Variants in KMT2E observed in about 807,000 individuals in gnomAD.
KMT2E encodes lysine methyltransferase 2E (inactive).
KMT2E carries 30 observed loss-of-function variants against 184.6 expected under a neutral mutation model. That is an observed-to-expected ratio of 0.16 (90% CI 0.12 to 0.22). KMT2E has a LOEUF of 0.22. Ranked by LOEUF, KMT2E falls within the 10% of genes least tolerant of loss-of-function variation. The probability of loss-of-function intolerance (pLI) is 1.00; values close to 1 mark genes in which losing one functional copy is unlikely to be tolerated. For synonymous variants in KMT2E, 815 were observed against 776.5 expected (o/e 1.05, Z -0.82); for missense variants, 2,023 against 2,237.4 (o/e 0.90, Z 1.93).
rs191484141 is a variant in KMT2E at position 105,081,599 on chromosome 7, T to C, written c.1249-89T>C. 67 of 726,686 alleles carry C rather than the reference T, an allele frequency of 9.2e-5. No individual in the cohort carries two copies. In the African/African-American group the frequency reaches 1.0e-3, roughly 11 times the overall value. 45.0% of individuals were successfully genotyped at this position (726,686 alleles called of 1,614,324 possible). On this transcript the variant is annotated intron_variant, in intron 12 of 26. Transcript: ENST00000311117. The stretch of plus-strand genomic sequence containing the variant: ...TTTCCAGGTTGTGTTTGTGAAATAA[T>C]TTGAAAAGAATAATTTTCAAAATTG...
At chr7:105,028,225 G>C (rs998247947) in intron 1 of KMT2E, among the ~76,000 whole-genome samples, 1 of 151,370 alleles carries the variant, frequency 6.6e-6, no homozygotes, top group Non-Finnish European at 1.5e-5. Flanking sequence ...CTGGAGTGCA[G>C]TGGTGTGATC....
intron 1 of KMT2E, among the ~76,000 whole-genome samples, chr7:105,020,583 C>T (rs1794909636): frequency 6.6e-6 from 1 of 152,036 alleles, no homozygotes; most frequent in South Asian, 2.1e-4. Flanking sequence ...AACTGCATCT[C>T]TAAAAAAATA....
Position 105,078,979 on chromosome 7 carries a change from T to A in KMT2E, c.1248+16T>A, listed in dbSNP as rs1298569390. 6.8e-7 allele frequency: 1 copy of A among 1,463,372 alleles called. No individual in the cohort carries two copies. Among genetic ancestry groups the A allele is most frequent in the Non-Finnish European group, 9.6e-7 (1 of 1,044,078 alleles). 90.6% of individuals were successfully genotyped at this position (1,463,372 alleles called of 1,614,324 possible). The stretch of plus-strand genomic sequence containing the variant: ...CAATGCAGAGGTAAGCTTATAGAAA[T>A]TTTTTGGGGAGATGTGGGTGCTGGG... On this transcript the variant is annotated intron_variant, in intron 12 of 26. Coordinates refer to ENST00000311117, the MANE Select transcript of KMT2E (RefSeq NM_182931.3).
In KMT2E at chr7:105,114,159, T is replaced by C. The variant is rs1799487172; in HGVS notation, c.*826T>C. ...AGAAGTTCTAGTTTTCAAATATAGA[T>C]TGTAAGGAGCCTTCAATTTTCTTTA... is the stretch of plus-strand genomic sequence containing the variant. On this transcript the variant is annotated 3_prime_UTR_variant, in exon 27 of 27. Coordinates refer to ENST00000311117, the MANE Select transcript of KMT2E (RefSeq NM_182931.3). 6.6e-6 allele frequency: 1 copy of C among 152,302 alleles called. No homozygotes were observed. Among genetic ancestry groups the C allele is most frequent in the South Asian group, 2.1e-4 (1 of 4,832 alleles). The allele number at this position is 152,302 out of a possible 1,614,324, so 9.4% of individuals were successfully genotyped here.
Position 105,077,352 on chromosome 7 carries a change from C to A in KMT2E, c.1049C>A (p.Pro350His). Residue 350 changes from proline to histidine, a missense_variant, in exon 11 of 27, where the codon CCT becomes CAT. Pro to His is a moderately conservative substitution (Grantham distance 77, BLOSUM62 -2). This residue lies in a region of KMT2E where 191 missense variants were observed against 209.0 expected (regional missense o/e 0.91). Transcript: ENST00000311117. ...KKILKSAKDL[P>H]PDALIIEYRG... Reference sequence around the variant, plus strand: ...ATTCTTAAATCTGCAAAAGATTTGCCTCCTGATGCACTTATCATTGAATAC... The same window carrying A: ...ATTCTTAAATCTGCAAAAGATTTGCATCCTGATGCACTTATCATTGAATAC... 6.2e-7 allele frequency: 1 copy of A among 1,609,884 alleles called. No individual in the cohort carries two copies. The highest frequency in any genetic ancestry group is 8.5e-7 in the Non-Finnish European group (1 of 1,176,632).
chr7:105,106,808 C>T (rs142375084), intron 20 of KMT2E, 36 bp downstream of exon 20: 2 of 1,594,968 alleles, frequency 1.3e-6, no homozygotes, highest in East Asian at 2.2e-5. Context: ...AAATTCAACA[C>T]TTGGGGGGAT....
At chr7:105,083,525 T>A (rs1431392354) in intron 13 of KMT2E, among the ~76,000 whole-genome samples, 1 of 152,232 alleles carries the variant, frequency 6.6e-6, no homozygotes, top group East Asian at 1.9e-4. Context: ...GTTTTCTTGT[T>A]ATACAACCAA....
In KMT2E at chr7:105,107,514, T is replaced by G. The variant is rs750680093; in HGVS notation, c.3057T>G (p.Pro1019=). The stretch of plus-strand genomic sequence containing the variant: ...GGCAGTGTCCTGGAGAAAAGGAACC[T>G]GTGTCAGACCTTCAGCTAGGACTCG... The part of the protein sequence containing the change: ...VNRQCPGEKE[P]VSDLQLGLDA... Residue 1019 remains proline, a synonymous_variant, in exon 22 of 27, where the codon CCT becomes CCG. Transcript: ENST00000311117. 2.4e-5 allele frequency: 38 copies of G among 1,614,196 alleles called. No homozygotes were observed. In the South Asian group the frequency reaches 4.2e-4, roughly 18 times the overall value.
At chr7:105,098,594 G>C (rs1324624330) in intron 15 of KMT2E, among the ~76,000 whole-genome samples, 1 of 152,020 alleles carries the variant, frequency 6.6e-6, no homozygotes, top group Non-Finnish European at 1.5e-5. Context: ...GTAAAGACAG[G>C]GTTTCACCAT....
intron 3 of KMT2E, among the ~76,000 whole-genome samples, chr7:105,041,247 G>A (rs1249815940): frequency 2.0e-5 from 3 of 151,566 alleles, no homozygotes; most frequent in African/African-American, 7.3e-5. Context: ...ATTCATTATT[G>A]GATTGAGGTA....
intron 3 of KMT2E, among the ~76,000 whole-genome samples, chr7:105,042,740 T>G (rs1409069750): frequency 6.6e-6 from 1 of 152,248 alleles, no homozygotes; most frequent in Admixed American, 6.5e-5. Context: ...ATTTTTAAAT[T>G]TCTTACGTAT....
intron 14 of KMT2E, among the ~76,000 whole-genome samples, chr7:105,090,570 C>T (rs1798159946): frequency 6.6e-6 from 1 of 152,120 alleles, no homozygotes; most frequent in Non-Finnish European, 1.5e-5. Flanking sequence ...AATAAATGTT[C>T]TTATTTAAAG....
intron 13 of KMT2E, among the ~76,000 whole-genome samples, chr7:105,088,482 CACTT>C (rs1798074339): frequency 6.6e-6 from 1 of 152,206 alleles, no homozygotes; most frequent in Non-Finnish European, 1.5e-5. Context: ...GAATATTAGA[CACTT>C]AATAAGTAAA....
chr7:105,076,202 CT>C, intron 9 of KMT2E, 121 bp downstream of exon 9: 1 of 681,666 alleles, frequency 1.5e-6, no homozygotes, highest in Non-Finnish European at 2.5e-6. Context: ...TGCCTATTAT[CT>C]TTACCAGGAG....
chr7:105,073,199 G>A (rs1797396305), intron 6 of KMT2E, among the ~76,000 whole-genome samples: 1 of 151,746 alleles, frequency 6.6e-6, no homozygotes, highest in African/African-American at 2.4e-5. Context: ...ACTTGATCCA[G>A]GAGTTCAAGA....
chr7:105,038,940 C>G (rs904461906), intron 2 of KMT2E, among the ~76,000 whole-genome samples: 2 of 152,136 alleles, frequency 1.3e-5, no homozygotes, highest in Non-Finnish European at 2.9e-5. Context: ...CCTGTTGAAT[C>G]AAATTCAGAG....
At chr7:105,059,419 T>C (rs1664235081) in intron 3 of KMT2E, among the ~76,000 whole-genome samples, 1 of 152,240 alleles carries the variant, frequency 6.6e-6, no homozygotes, top group South Asian at 2.1e-4. Context: ...GTGTCACTGT[T>C]GTAATCAAAG....
chr7:105,089,303 A>G (rs1451075595), intron 13 of KMT2E: 3 of 413,368 alleles, frequency 7.3e-6, no homozygotes, highest in Non-Finnish European at 9.6e-6. Flanking sequence ...GGTTCAGGCA[A>G]TTCTCCTGCC....
At chr7:105,014,873 T>C (rs1346403355) in intron 1 of KMT2E, among the ~76,000 whole-genome samples, 2 of 152,044 alleles carry the variant, frequency 1.3e-5, no homozygotes, top group African/African-American at 2.4e-5. Context: ...TTGTGACTGT[T>C]AGTAGGGTTT....
Sources: gnomAD v4.1 joint callset for allele counts (sites outside exome capture counted in the v4.1 genomes callset) on GRCh38, gnomAD v4.1.1 for gene constraint, gnomAD v4.1.1 regional missense constraint, MANE v1.5 for transcripts, NCBI Gene and HGNC (gene_info 2026-07-23, HGNC 2026-07-21) for gene names.